The following PCDHA2 variants were observed in gnomAD, a reference collection of about 807,000 sequenced individuals.
PCDHA2 encodes the protein protocadherin alpha 2.
In PCDHA2, 58 loss-of-function variants were observed where a neutral mutation model predicts 66.0. That is an observed-to-expected ratio of 0.88 (90% CI 0.71 to 1.09). The LOEUF is 1.09. PCDHA2 is among the 50% of genes least tolerant of loss of function. The pLI is 0.00. For synonymous variants in PCDHA2, 634 were observed against 554.0 expected (o/e 1.14, Z -2.03); for missense variants, 1,267 against 1,242.3 (o/e 1.02, Z -0.30).
At chr5:140,829,175 G>C in intron 1 of PCDHA2, 1 of 1,614,160 alleles carries the variant, frequency 6.2e-7, no homozygotes, top group Non-Finnish European at 8.5e-7. Flanking sequence ...TGTACGTGAA[G>C]ACGCTCAATT....
chr5:140,890,915 G>A (rs1169684735), intron 1 of PCDHA2, among the ~76,000 whole-genome samples: 4 of 152,116 alleles, frequency 2.6e-5, no homozygotes, highest in African/African-American at 9.7e-5. Flanking sequence ...AGAATAATTT[G>A]AGAGTTTCCT....
At chr5:140,928,044 T>A (rs782342331) in intron 1 of PCDHA2, 1 of 1,614,196 alleles carries the variant, frequency 6.2e-7, no homozygotes, top group South Asian at 1.1e-5. Context: ...GTGCAGGCCC[T>A]TTTCAGCTGA....
In PCDHA2 at chr5:140,870,774, G is replaced by T. The variant is rs782539037; in HGVS notation, c.2388+73422G>T. The T allele has an allele frequency of 2.9e-5, 47 of 1,613,632 alleles. 1 individual carries two copies. The South Asian group carries it at 3.8e-4, about 13-fold the overall frequency. On this transcript the variant is annotated intron_variant, in intron 1 of 3. Coordinates refer to ENST00000526136, the MANE Select transcript of PCDHA2 (RefSeq NM_018905.3). ...CGCTGCAGGTGTTCGTGCTGGACGA[G>T]AACGACAACGCGCCGGCACTGCTGG...
chr5:140,888,210 T>G (rs1395913579), intron 1 of PCDHA2, among the ~76,000 whole-genome samples: 1 of 152,080 alleles, frequency 6.6e-6, no homozygotes, highest in East Asian at 1.9e-4. Context: ...ATGCTGGATT[T>G]TGTGTGTGTG....
intron 1 of PCDHA2, among the ~76,000 whole-genome samples, chr5:140,956,723 A>G (rs536528599): frequency 6.6e-6 from 1 of 152,166 alleles, no homozygotes; most frequent in Non-Finnish European, 1.5e-5. Context: ...AAGAATTGGT[A>G]CCAGCTCCTC....
chr5:140,914,852 C>T (rs2076867528), intron 1 of PCDHA2, among the ~76,000 whole-genome samples: 1 of 151,838 alleles, frequency 6.6e-6, no homozygotes, highest in Non-Finnish European at 1.5e-5. Flanking sequence ...AAAAGGAAGA[C>T]TAATAAAAGT....
intron 1 of PCDHA2, among the ~76,000 whole-genome samples, chr5:140,920,841 T>TA (rs781921146): frequency 0.047 from 5,179 of 109,134 alleles, 120 homozygotes; most frequent in African/African-American, 0.092. Flanking sequence ...AGACCAAATC[T>TA]AAAAAAAAAA....
At chr5:140,802,664 G>T in intron 1 of PCDHA2, 1 of 1,613,542 alleles carries the variant, frequency 6.2e-7, no homozygotes, top group African/African-American at 1.3e-5. Flanking sequence ...AGAACGCCCT[G>T]GTGTCCTACT....
At chr5:140,941,558 A>G (rs903071259) in intron 1 of PCDHA2, among the ~76,000 whole-genome samples, 1 of 151,596 alleles carries the variant, frequency 6.6e-6, no homozygotes, top group African/African-American at 2.4e-5. Context: ...CTCGTGATCC[A>G]TTCGCCTCAG....
In PCDHA2 at chr5:140,979,019, C is replaced by T; in HGVS notation, c.2447+12C>T. On this transcript the variant is annotated intron_variant, in intron 2 of 3. Coordinates refer to ENST00000526136, the MANE Select transcript of PCDHA2 (RefSeq NM_018905.3). ...GCAGGCATGCACAGGTATGTATTTC[C>T]CTCCTCATTCACTCAGAAGTAACCT... 1 of 1,613,662 alleles carries T rather than the reference C, an allele frequency of 6.2e-7. No individual in the cohort carries two copies. Among genetic ancestry groups the T allele is most frequent in the South Asian group, 1.1e-5 (1 of 90,910 alleles).
chr5:140,920,530 G>T (rs2079676121), intron 1 of PCDHA2, among the ~76,000 whole-genome samples: 1 of 152,148 alleles, frequency 6.6e-6, no homozygotes, highest in African/African-American at 2.4e-5. Context: ...GTTAGACTCA[G>T]GTTTTCTATT....
At chr5:140,838,413 C>G (rs1304271115) in intron 1 of PCDHA2, among the ~76,000 whole-genome samples, 1 of 151,456 alleles carries the variant, frequency 6.6e-6, no homozygotes, top group East Asian at 1.9e-4. Flanking sequence ...AGTGAGCCAC[C>G]GCATCCGGCC....
At chr5:140,803,343 C>T (rs1554122733) in intron 1 of PCDHA2, 1 of 1,614,182 alleles carries the variant, frequency 6.2e-7, no homozygotes, top group East Asian at 2.2e-5. Context: ...GCTCACACTG[C>T]TGCTATATAC....
intron 1 of PCDHA2, chr5:140,967,785 G>C: frequency 6.2e-7 from 1 of 1,614,176 alleles, no homozygotes; most frequent in Non-Finnish European, 8.5e-7. Flanking sequence ...GCGACTGACC[G>C]GGGTCCAGTG....
chr5:140,923,155 A>G (rs1316496589), intron 1 of PCDHA2, among the ~76,000 whole-genome samples: 4 of 152,236 alleles, frequency 2.6e-5, no homozygotes, highest in Non-Finnish European at 5.9e-5. Context: ...AAAAAATTAT[A>G]GAAAGATAAA....
intron 1 of PCDHA2, among the ~76,000 whole-genome samples, chr5:140,855,081 C>T (rs868991206): frequency 6.7e-6 from 1 of 149,844 alleles, no homozygotes; most frequent in Non-Finnish European, 1.5e-5. Context: ...GAAACCACCA[C>T]TCTCAGCCTG....
chr5:140,924,905 AT>A (rs1216976019), intron 1 of PCDHA2, among the ~76,000 whole-genome samples: 1,708 of 55,768 alleles, frequency 0.031, 41 homozygotes, highest in African/African-American at 0.13. Flanking sequence ...AAAAAAAAAA[AT>A]AAAATAAAAT....
chr5:140,988,818 CCAAA>C (rs1193685505), intron 3 of PCDHA2: 2 of 152,060 alleles, frequency 1.3e-5, no homozygotes, highest in Non-Finnish European at 2.9e-5. Flanking sequence ...AACAGTAGCC[CCAAA>C]CAGAGATCAC....
chr5:140,928,100 T>C (rs1458420006), intron 1 of PCDHA2: 1 of 1,614,090 alleles, frequency 6.2e-7, no homozygotes, highest in African/African-American at 1.3e-5. Context: ...GATGGGCCCC[T>C]GGACCGGGAG....
Sources: gnomAD v4.1 joint callset for allele counts (sites outside exome capture counted in the v4.1 genomes callset) on GRCh38, gnomAD v4.1.1 for gene constraint, MANE v1.5 for transcripts, NCBI Gene and HGNC (gene_info 2026-07-23, HGNC 2026-07-21) for gene names.